The following UTP20 variants were observed in gnomAD, a reference collection of about 807,000 sequenced individuals.
The protein encoded by UTP20 is UTP20 small subunit processome component, also known as small subunit processome component 20 homolog.
In UTP20, 164 loss-of-function variants were observed where a neutral mutation model predicts 329.5. The observed-to-expected ratio is 0.50, with a 90% CI of 0.44 to 0.57. The LOEUF (loss-of-function observed/expected upper bound fraction) is 0.57. Ranked by LOEUF, UTP20 falls within the 20% of genes least tolerant of loss-of-function variation. UTP20 has a pLI of 0.00. For synonymous variants in UTP20, 1,151 were observed against 1,159.3 expected (o/e 0.99, Z 0.14); for missense variants, 3,055 against 3,284.2 (o/e 0.93, Z 1.71).
At chr12:101,339,597 A>C (rs940890653) in intron 31 of UTP20, among the ~76,000 whole-genome samples, 1 of 152,146 alleles carries the variant, frequency 6.6e-6, no homozygotes, top group Non-Finnish European at 1.5e-5. Context: ...GTGGAATTGC[A>C]GTTTTTTACT....
intron 51 of UTP20, 67 bp downstream of exon 51, chr12:101,371,235 C>A: frequency 8.6e-7 from 1 of 1,166,762 alleles, no homozygotes; most frequent in South Asian, 1.5e-5. Context: ...GCAGAGGTGT[C>A]AACACTGGCT....
chr12:101,311,929 G>C (rs1872805705), intron 20 of UTP20, 107 bp from the exon 21 acceptor site: 1 of 1,563,760 alleles, frequency 6.4e-7, no homozygotes, highest in Admixed American at 1.9e-5. Context: ...TTTTGGGAGT[G>C]ACATTCTTTC....
In UTP20 at chr12:101,286,365, C is replaced by T. The variant is rs1324216456; in HGVS notation, c.371C>T (p.Pro124Leu). ...CGAGATCTGCAGATGGATTTCTACC[C>T]ACACTTTCCAGAGTTTTTTTTGACT... ...LARDLQMDFY[P>L]HFPEFFLTIT... Residue 124 changes from proline (P) to leucine (L), a missense_variant, in exon 5 of 62, where the codon CCA (proline) becomes CTA (leucine). Pro to Leu is a moderately conservative substitution (Grantham distance 98). This residue lies in a region of UTP20 where 2,445 missense variants were observed against 2,575.5 expected (regional missense o/e 0.95). Transcript: ENST00000261637. 6.2e-6 allele frequency: 10 copies of T among 1,613,434 alleles called. No individual in the cohort carries two copies. In the African/African-American group the frequency reaches 1.2e-4, roughly 19 times the overall value.
chr12:101,346,489 AC>A lies in UTP20; in HGVS notation c.4786del (p.Gln1596AsnfsTer2). The A allele has an allele frequency of 2.5e-6, 4 of 1,609,730 alleles. No individual in the cohort carries two copies. Among genetic ancestry groups the A allele is most frequent in the Non-Finnish European group, 3.4e-6 (4 of 1,178,400 alleles). ...RARALKKLAK[Q>X]LMEGKVVLSS... ...CAAGAGCCTTGAAGAAACTTGCAAA[AC>A]AACTAATGGAAGGCAAAGTTGTTCT... On this transcript the variant is annotated frameshift_variant, in exon 38 of 62. Coordinates refer to ENST00000261637, the MANE Select transcript of UTP20 (RefSeq NM_014503.3). LOFTEE classifies it high-confidence loss of function.
At chr12:101,309,626 G>A (rs1872726984) in intron 18 of UTP20, 137 bp from the exon 19 acceptor site, 4 of 676,382 alleles carry the variant, frequency 5.9e-6, no homozygotes, top group Non-Finnish European at 7.3e-6. Flanking sequence ...TTGGATTGGT[G>A]CCTGCAACTT....
chr12:101,334,275 A>G, intron 28 of UTP20, 150 bp from the exon 29 acceptor site: 1 of 625,790 alleles, frequency 1.6e-6, no homozygotes, highest in Non-Finnish European at 2.7e-6. Context: ...GGATCTCTTT[A>G]TACTTTTTCT....
At chr12:101,366,127 G>A (rs9308311) in intron 46 of UTP20, among the ~76,000 whole-genome samples, 33,169 of 152,062 alleles carry the variant, frequency 0.22, 8,215 homozygotes, top group African/African-American at 0.58. Flanking sequence ...AGCTACACAG[G>A]AGGCTGAGGC....
chr12:101,327,821 T>C (rs1010001688), intron 26 of UTP20, among the ~76,000 whole-genome samples: 2 of 152,214 alleles, frequency 1.3e-5, no homozygotes, highest in East Asian at 3.8e-4. Flanking sequence ...ATAACAGTAA[T>C]GACTAACATG....
intron 17 of UTP20, 23 bp from the exon 18 acceptor site, chr12:101,308,162 C>T: frequency 1.9e-6 from 3 of 1,547,342 alleles, no homozygotes; most frequent in South Asian, 2.6e-5. Context: ...TGGTCTTCTC[C>T]ATGGTTTTCT....
At position 101,361,053 on chromosome 12, in the gene UTP20, T is replaced by TTCC. The variant is rs575846091; in HGVS notation, c.5692-907_5692-905dup. ...TGGTTTCTAATCTTCACTCCACCAG[T>TTCC]TCCTACCTATGACCTCTTTGCGCCT... On this transcript the variant is annotated intron_variant, in intron 43 of 61. Coordinates refer to ENST00000261637, the MANE Select transcript of UTP20 (RefSeq NM_014503.3). Among the ~76,000 whole-genome samples, 714 of 152,252 alleles carry TTCC rather than the reference T, an allele frequency of 4.7e-3. 11 individuals carry two copies. Among genetic ancestry groups the TTCC allele is most frequent in the African/African-American group, 0.016 (680 of 41,548 alleles).
rs751900429 is a variant in UTP20 at position 101,342,453 on chromosome 12, A to T, written c.4109A>T (p.Glu1370Val). 3.1e-6 allele frequency: 5 copies of T among 1,605,372 alleles called. No individual in the cohort carries two copies. The highest frequency in any genetic ancestry group is 3.4e-6 in the Non-Finnish European group (4 of 1,177,764). The change falls in exon 33 of 62, where the codon GAG (glutamate) becomes GTG (valine). Residue 1370 changes from glutamate to valine, a missense_variant. Around this residue, in one of 3 missense-constraint regions of UTP20, gnomAD observed 2,445 missense variants for 2,575.5 expected, o/e 0.95. Transcript: ENST00000261637. ...LHRGNIAEDT[E>V]VDILVTVQNL... is the part of the protein sequence containing the mutation. ...TGATTATTTCTTCTCAAGGATACAG[A>T]GGTTGATATTCTGGTGACAGTACAA...
In UTP20 at chr12:101,293,221, G is replaced by A; in HGVS notation, c.1227G>A (p.Met409Ile). ...KRLIFSFSEV[M>I]FAMKQFEQLF... ...TAATTTTCAGTTTTTCTGAAGTCAT[G>A]TTTGCCATGAAGCAGTTTGAGCAGG... is the stretch of plus-strand genomic sequence containing the variant. The change falls in exon 11 of 62, where the codon ATG (methionine) becomes ATA (isoleucine). Residue 409 changes from methionine to isoleucine, a missense_variant. Physicochemically the swap from Met to Ile is conservative, Grantham distance 10. Around this residue, in one of 3 missense-constraint regions of UTP20, gnomAD observed 2,445 missense variants for 2,575.5 expected, o/e 0.95. Transcript: ENST00000261637. 3.7e-6 allele frequency: 6 copies of A among 1,614,068 alleles called. No individual in the cohort carries two copies. Among genetic ancestry groups the A allele is most frequent in the Middle Eastern group, 1.6e-4 (1 of 6,062 alleles).
chr12:101,340,480 T>A lies in UTP20; in HGVS notation c.4014-43T>A. Reference sequence around the variant, plus strand: ...AAAAGTTTAACTTCTTAGAGAAATATCCTTGTATATGTTCCTTATATATCC... The same window carrying A: ...AAAAGTTTAACTTCTTAGAGAAATAACCTTGTATATGTTCCTTATATATCC... On this transcript the variant is annotated intron_variant, in intron 31 of 61. Transcript: ENST00000261637. 2.4e-6 allele frequency: 3 copies of A among 1,236,610 alleles called. No homozygotes were observed. The African/African-American group carries it at 4.5e-5, about 19-fold the overall frequency. 76.6% of individuals were successfully genotyped at this position (1,236,610 alleles called of 1,614,324 possible). A position where few individuals can be genotyped will look rare whatever the true frequency, so the allele number is the denominator to read the frequency against.
rs1032435089 is a variant in UTP20, at chr12:101,290,330, G to A, written c.735+56G>A. The A allele has an allele frequency of 5.2e-6, 8 of 1,529,468 alleles. No homozygotes were observed. The Admixed American group carries it at 8.6e-5, about 16-fold the overall frequency. The allele number at this position is 1,529,468 out of a possible 1,614,324, so 94.7% of individuals were successfully genotyped here. On this transcript the variant is annotated intron_variant, in intron 7 of 61. Transcript: ENST00000261637. ...ATGTGGATGGATGAAACAGAAAGTA[G>A]AAAAGAATGAGGCAAATGATGTGGA...
At position 101,370,440 on chromosome 12, in the gene UTP20, C is replaced by T. The variant is rs1484046529; in HGVS notation, c.6564C>T (p.Thr2188=). ...HLVVNCFKCV[T]ILVKKVKSYQ... ...ACTATTGTAACTTGCAGTGTGTGACCATACTTGTCAAGAAAGTCAAGTCTT... is the reference window on the plus strand; with the variant it reads ...ACTATTGTAACTTGCAGTGTGTGACTATACTTGTCAAGAAAGTCAAGTCTT... The change falls in exon 50 of 62, where the codon ACC becomes ACT. Residue 2188 remains threonine (T), a synonymous_variant. Transcript: ENST00000261637. The T allele has an allele frequency of 6.2e-6, 10 of 1,613,166 alleles. No homozygotes were observed. The highest frequency in any genetic ancestry group is 3.3e-5 in the Admixed American group (2 of 59,888).
chr12:101,372,652 G>A (rs980224724), intron 51 of UTP20, among the ~76,000 whole-genome samples: 1 of 152,232 alleles, frequency 6.6e-6, no homozygotes, highest in East Asian at 1.9e-4. Flanking sequence ...GCAGGCCAGG[G>A]CTTGCCTCTG....
At chr12:101,344,820 C>G in intron 36 of UTP20, 70 bp downstream of exon 36, 2 of 1,406,450 alleles carry the variant, frequency 1.4e-6, no homozygotes, top group South Asian at 2.6e-5. Flanking sequence ...ACGTTTGCTA[C>G]TGTTGTATAG....
At chr12:101,281,467 A>G (rs558024297) in intron 2 of UTP20, among the ~76,000 whole-genome samples, 46 of 152,316 alleles carry the variant, frequency 3.0e-4, no homozygotes, top group Admixed American at 1.2e-3. Flanking sequence ...GTGAAGCTCT[A>G]TTAGACAATT....
intron 21 of UTP20, 105 bp from the exon 22 acceptor site, chr12:101,317,373 G>A: frequency 1.6e-6 from 2 of 1,240,464 alleles, no homozygotes; most frequent in Non-Finnish European, 1.1e-6. Context: ...TGTCTCTTCA[G>A]TGTGTGATTC....
Sources: allele counts gnomAD v4.1 joint callset (sites outside exome capture counted in the v4.1 genomes callset), GRCh38; gene constraint gnomAD v4.1.1; regional missense constraint gnomAD v4.1.1; transcripts MANE v1.5; gene names NCBI Gene and HGNC (gene_info 2026-07-23, HGNC 2026-07-21).